The following TMEM132D variants were observed in gnomAD, a reference collection of about 807,000 sequenced individuals.
TMEM132D encodes the protein mature OL transmembrane protein.
In TMEM132D, 21 loss-of-function variants were observed where a neutral mutation model predicts 62.3. The observed-to-expected ratio is 0.34, with a 90% confidence interval of 0.24 to 0.49. TMEM132D has a LOEUF of 0.49. Ranked by LOEUF, TMEM132D falls within the 20% of genes least tolerant of loss-of-function variation. The probability of loss-of-function intolerance (pLI) is 0.99; values close to 1 mark genes in which losing one functional copy is unlikely to be tolerated. For synonymous variants in TMEM132D, 621 were observed against 575.6 expected (o/e 1.08, Z -1.13); for missense variants, 1,346 against 1,402.8 (o/e 0.96, Z 0.65).
rs191174373 is a variant in TMEM132D at position 129,090,053 on chromosome 12, C to T, written c.1444-5351G>A. 1.2e-4 allele frequency among the ~76,000 whole-genome samples: 19 copies of T among 152,358 alleles called. No homozygotes were observed. In the East Asian group the frequency reaches 3.5e-3, roughly 28 times the overall value. On this transcript the variant is annotated intron_variant, in intron 5 of 8. Transcript: ENST00000422113. The stretch of plus-strand genomic sequence containing the variant: ...CCTATGCAGGCCCCTTTCACCTTCA[C>T]GATGAGGCAGTCAATGTATGAGAGC...
At chr12:129,566,746 T>C (rs1877378578) in intron 2 of TMEM132D, among the ~76,000 whole-genome samples, 1 of 152,212 alleles carries the variant, frequency 6.6e-6, no homozygotes, top group Non-Finnish European at 1.5e-5. Flanking sequence ...CCTGGCACCA[T>C]TTTATGTCTG....
chr12:129,513,017 A>G (rs1385427320), intron 3 of TMEM132D, among the ~76,000 whole-genome samples: 1 of 152,188 alleles, frequency 6.6e-6, no homozygotes, highest in African/African-American at 2.4e-5. Flanking sequence ...CACACCAGCC[A>G]TATTTGAAGG....
chr12:129,815,972 GA>G (rs141139265), intron 1 of TMEM132D, among the ~76,000 whole-genome samples: 4,154 of 152,314 alleles, frequency 0.027, 169 homozygotes, highest in African/African-American at 0.095. Context: ...CCAGATGACT[GA>G]CGGCCTGTGG....
chr12:129,124,296 C>G (rs1472571458), intron 5 of TMEM132D, among the ~76,000 whole-genome samples: 2 of 152,106 alleles, frequency 1.3e-5, no homozygotes, highest in Admixed American at 1.3e-4. Flanking sequence ...CAAGACTCAC[C>G]TTGAACGTAG....
At chr12:129,092,609 C>T (rs903795047) in intron 5 of TMEM132D, among the ~76,000 whole-genome samples, 4 of 152,068 alleles carry the variant, frequency 2.6e-5, no homozygotes, top group African/African-American at 9.7e-5. Context: ...GAAGGAGAAT[C>T]GCTTGAACTC....
At chr12:129,343,765 A>C (rs1208673716) in intron 3 of TMEM132D, among the ~76,000 whole-genome samples, 5 of 149,614 alleles carry the variant, frequency 3.3e-5, no homozygotes, top group African/African-American at 1.3e-4. Context: ...AAAAAACAAA[A>C]AAAAACAAAA....
At chr12:129,735,507 C>T (rs1869394871) in intron 1 of TMEM132D, among the ~76,000 whole-genome samples, 1 of 152,090 alleles carries the variant, frequency 6.6e-6, no homozygotes, top group Non-Finnish European at 1.5e-5. Context: ...AACAAAAATA[C>T]AGGACCCTAT....
chr12:129,538,391 G>A (rs113007711), intron 2 of TMEM132D, among the ~76,000 whole-genome samples: 2 of 152,130 alleles, frequency 1.3e-5, no homozygotes, highest in African/African-American at 2.4e-5. Flanking sequence ...TTCATATAGA[G>A]TATGATATGA....
chr12:129,285,099 G>A (rs1593323191), intron 4 of TMEM132D, among the ~76,000 whole-genome samples: 2 of 152,186 alleles, frequency 1.3e-5, no homozygotes, highest in Non-Finnish European at 2.9e-5. Context: ...AGCAATGGAG[G>A]TTTTTTCCTA....
At chr12:129,836,515 TGCGCGC>T (rs199615371) in intron 1 of TMEM132D, among the ~76,000 whole-genome samples, 1 of 151,046 alleles carries the variant, frequency 6.6e-6, no homozygotes, top group Non-Finnish European at 1.5e-5. Context: ...TGTGTGTGTG[TGCGCGC>T]GTGTGTGTGT....
At chr12:129,312,552 GTTTT>G (rs1002848846) in intron 4 of TMEM132D, among the ~76,000 whole-genome samples, 1 of 151,988 alleles carries the variant, frequency 6.6e-6, no homozygotes, top group Non-Finnish European at 1.5e-5. Context: ...TTTTAGAATA[GTTTT>G]TTTTGTTTGT....
Position 129,770,771 on chromosome 12 carries a change from T to A in TMEM132D, c.80-70073A>T, listed in dbSNP as rs549767498. ...CCATAAAACCTATTTTATAATAAAG[T>A]CTTGAATAGCTCATGAAATGTATGG... On this transcript the variant is annotated intron_variant, in intron 1 of 8. Transcript: ENST00000422113. 2.6e-5 allele frequency among the ~76,000 whole-genome samples: 4 copies of A among 152,296 alleles called. No homozygotes were observed. The South Asian group carries it at 8.3e-4, about 32-fold the overall frequency.
Position 129,764,813 on chromosome 12 carries a change from A to C in TMEM132D, c.80-64115T>G, listed in dbSNP as rs114896335. 1.8e-3 allele frequency among the ~76,000 whole-genome samples: 270 copies of C among 152,176 alleles called. 2 individuals are homozygous for C. Among genetic ancestry groups the C allele is most frequent in the African/African-American group, 5.9e-3 (243 of 41,518 alleles). ...AAAAATTAGCTGGTGTGGTGATACA[A>C]GCATATAGTCCCAGCTACTCAGGAG... On this transcript the variant is annotated intron_variant, in intron 1 of 8. Transcript: ENST00000422113.
intron 3 of TMEM132D, among the ~76,000 whole-genome samples, chr12:129,361,159 G>A (rs1213329626): frequency 5.3e-5 from 8 of 152,210 alleles, no homozygotes; most frequent in African/African-American, 1.9e-4. Flanking sequence ...CAGAGAGGAT[G>A]TATGTAGAGC....
At chr12:129,537,048 T>A (rs563042663) in intron 2 of TMEM132D, among the ~76,000 whole-genome samples, 40 of 151,108 alleles carry the variant, frequency 2.6e-4, no homozygotes, top group African/African-American at 8.7e-4. Context: ...CCCACCCAGC[T>A]ACTCAGGAGG....
At chr12:129,473,331 T>TTG (rs1874155656) in intron 3 of TMEM132D, among the ~76,000 whole-genome samples, 2 of 134,256 alleles carry the variant, frequency 1.5e-5, no homozygotes, top group Non-Finnish European at 3.2e-5. Context: ...TTTGTTTTTT[T>TTG]TTTTTTTTTT....
intron 4 of TMEM132D, among the ~76,000 whole-genome samples, chr12:129,318,320 T>C (rs1347391462): frequency 6.6e-6 from 1 of 152,188 alleles, no homozygotes. Flanking sequence ...TCAGATTCTT[T>C]TGTCCCATGG....
chr12:129,490,625 T>G, intron 3 of TMEM132D, among the ~76,000 whole-genome samples: 1 of 115,154 alleles, frequency 8.7e-6, no homozygotes, highest in East Asian at 2.8e-4. Flanking sequence ...TTTTTTTTTT[T>G]TGTATTTTTA....
At chr12:129,591,659 A>C (rs1878194467) in intron 2 of TMEM132D, among the ~76,000 whole-genome samples, 1 of 151,932 alleles carries the variant, frequency 6.6e-6, no homozygotes, top group South Asian at 2.1e-4. Flanking sequence ...GATAGCAAAA[A>C]ATAATAATAA....
Sources: gnomAD v4.1 joint callset for allele counts (sites outside exome capture counted in the v4.1 genomes callset) on GRCh38, gnomAD v4.1.1 for gene constraint, MANE v1.5 for transcripts, NCBI Gene and HGNC (gene_info 2026-07-23, HGNC 2026-07-21) for gene names.